The following RSPH9 variants were observed in gnomAD, a reference collection of about 807,000 sequenced individuals.
The protein encoded by RSPH9 is radial spoke head protein 9 homolog.
A neutral mutation model predicts 27.0 loss-of-function variants in RSPH9; 27 were observed. The observed-to-expected ratio is 1.00, with a 90% CI of 0.74 to 1.38. The LOEUF is 1.38. RSPH9 is among the 40% of genes most tolerant of loss of function. The pLI is 0.00. For synonymous variants in RSPH9, 145 were observed against 147.7 expected (o/e 0.98, Z 0.13); for missense variants, 347 against 357.4 (o/e 0.97, Z 0.24).
chr6:43,652,768 A>G (rs1166998073), intron 2 of RSPH9, among the ~76,000 whole-genome samples: 1 of 144,046 alleles, frequency 6.9e-6, no homozygotes, highest in African/African-American at 2.6e-5. Context: ...GGAATGTACC[A>G]TAATTTTCCC....
intron 4 of RSPH9, among the ~76,000 whole-genome samples, chr6:43,657,154 G>A (rs1291791276): frequency 6.6e-6 from 1 of 152,188 alleles, no homozygotes; most frequent in Non-Finnish European, 1.5e-5. Context: ...AGCATCTCTG[G>A]TAGAGAAGAG....
intron 1 of RSPH9, among the ~76,000 whole-genome samples, chr6:43,646,849 G>A (rs1004094408): frequency 2.6e-5 from 4 of 151,606 alleles, no homozygotes; most frequent in South Asian, 2.1e-4. Flanking sequence ...CTAGCTACTC[G>A]GGAGGCTGAG....
At chr6:43,655,879 G>A (rs1771955052) in intron 3 of RSPH9, among the ~76,000 whole-genome samples, 188 bp downstream of exon 3, 1 of 152,096 alleles carries the variant, frequency 6.6e-6, no homozygotes, top group Non-Finnish European at 1.5e-5. Flanking sequence ...CCCATCTCCT[G>A]GCCCCTGACT....
chr6:43,652,313 A>G (rs1771561309), intron 2 of RSPH9, among the ~76,000 whole-genome samples: 1 of 151,916 alleles, frequency 6.6e-6, no homozygotes. Flanking sequence ...CTCAAAAAAA[A>G]AAAAGAAAAA....
rs763156041 is a variant in RSPH9 at position 43,645,110 on chromosome 6, C to T, written c.12C>T (p.Asp4=). Residue 4 remains aspartate, a synonymous_variant, in exon 1 of 5, where the codon GAC becomes GAT. Coordinates refer to ENST00000372163, the MANE Select transcript of RSPH9 (RefSeq NM_152732.5). Reference sequence around the variant, plus strand: ...GAGCCGCTGACCTGATGGACGCCGACAGCCTCCTGCTGTCTCTGGAGCTGG... The same window carrying T: ...GAGCCGCTGACCTGATGGACGCCGATAGCCTCCTGCTGTCTCTGGAGCTGG... MDA[D]SLLLSLELAS... 2 of 1,611,860 alleles carry T rather than the reference C, an allele frequency of 1.2e-6. No homozygotes were observed. Among genetic ancestry groups the T allele is most frequent in the Non-Finnish European group, 1.7e-6 (2 of 1,179,942 alleles).
At chr6:43,660,361 T>G (rs1772483350) in intron 4 of RSPH9, among the ~76,000 whole-genome samples, 1 of 152,154 alleles carries the variant, frequency 6.6e-6, no homozygotes. Context: ...GTCTTGAACC[T>G]GTCAATATCA....
intron 4 of RSPH9, among the ~76,000 whole-genome samples, chr6:43,669,896 A>T (rs1169907967): frequency 6.6e-6 from 1 of 152,242 alleles, no homozygotes; most frequent in Non-Finnish European, 1.5e-5. Flanking sequence ...ACAAAGGCTC[A>T]TTAGGGGCAG....
Position 43,655,679 on chromosome 6 carries a change from C to T in RSPH9, c.511C>T (p.Arg171Trp), listed in dbSNP as rs139002825. 37 of 1,614,082 alleles carry T rather than the reference C, an allele frequency of 2.3e-5. 1 individual carries two copies. The highest frequency in any genetic ancestry group is 1.3e-4 in the East Asian group (6 of 44,896). The change falls in exon 3 of 5, where the codon CGG (arginine) becomes TGG (tryptophan). Residue 171 changes from arginine to tryptophan, a missense_variant. Physicochemically the swap from Arg to Trp is moderately radical, Grantham distance 101. Coordinates refer to ENST00000372163, the MANE Select transcript of RSPH9 (RefSeq NM_152732.5). Reference sequence around the variant, plus strand: ...CCCTTTTGGACCCACCCATGTCAATCGGACCTTTGAAGGTGAGTTCTCTGG... The same window carrying T: ...CCCTTTTGGACCCACCCATGTCAATTGGACCTTTGAAGGTGAGTTCTCTGG... ...KTPFGPTHVNRTFEGLSLSEA... is the reference protein window; with the variant it reads ...KTPFGPTHVNWTFEGLSLSEA...
At chr6:43,661,215 A>C (rs1772573359) in intron 4 of RSPH9, among the ~76,000 whole-genome samples, 3 of 152,258 alleles carry the variant, frequency 2.0e-5, no homozygotes. Flanking sequence ...GAGTAGATTT[A>C]GCATAATTCT....
chr6:43,646,130 T>C (rs952417539), intron 1 of RSPH9, among the ~76,000 whole-genome samples: 45 of 145,848 alleles, frequency 3.1e-4, no homozygotes, highest in African/African-American at 1.1e-3. Context: ...ATTTATTTAT[T>C]ATTATTATTA....
At chr6:43,656,069 C>T (rs1772014294) in intron 3 of RSPH9, among the ~76,000 whole-genome samples, 2 of 146,612 alleles carry the variant, frequency 1.4e-5, no homozygotes, top group African/African-American at 5.1e-5. Flanking sequence ...TCTTTCCCTC[C>T]TTCCCTCCCT....
intron 1 of RSPH9, among the ~76,000 whole-genome samples, chr6:43,645,688 G>A (rs1367057018): frequency 6.6e-6 from 1 of 152,260 alleles, no homozygotes. Flanking sequence ...ACAGGGCCAA[G>A]AACGCAGGTG....
In RSPH9 at chr6:43,671,126, G is replaced by A; in HGVS notation, c.*177G>A. The A allele has an allele frequency of 1.4e-6, 1 of 718,884 alleles. No homozygotes were observed. The allele number at this position is 718,884 out of a possible 1,614,324, so 44.5% of individuals were successfully genotyped here. On this transcript the variant is annotated 3_prime_UTR_variant, in exon 5 of 5. Transcript: ENST00000372163. Reference sequence around the variant, plus strand: ...TTCTAAACCAAGTGGCAGAGGGGTTGGAATGTGCTAATGAAAGAGATTCTA... The same window carrying A: ...TTCTAAACCAAGTGGCAGAGGGGTTAGAATGTGCTAATGAAAGAGATTCTA...
chr6:43,659,131 T>G (rs1040098364), intron 4 of RSPH9, among the ~76,000 whole-genome samples: 3 of 152,242 alleles, frequency 2.0e-5, no homozygotes, highest in Admixed American at 6.5e-5. Flanking sequence ...TATCATGAGG[T>G]TGCAGCAATT....
intron 3 of RSPH9, among the ~76,000 whole-genome samples, chr6:43,655,988 ACTTCCTTCCTTCCTTC>A (rs70993404): frequency 1.1e-4 from 12 of 113,616 alleles, no homozygotes; most frequent in East Asian, 2.5e-4. Context: ...TCCTCCTTGG[ACTTCCTTCCTTCCTTC>A]CTTCCTTCCT....
chr6:43,663,576 G>T (rs573174819), intron 4 of RSPH9, among the ~76,000 whole-genome samples: 1 of 152,200 alleles, frequency 6.6e-6, no homozygotes, highest in African/African-American at 2.4e-5. Context: ...GGAATAGGGT[G>T]GCCTGAGGAG....
At chr6:43,657,238 C>T (rs907304235) in intron 4 of RSPH9, among the ~76,000 whole-genome samples, 12 of 152,228 alleles carry the variant, frequency 7.9e-5, no homozygotes, top group African/African-American at 2.7e-4. Flanking sequence ...AAGGCACAGA[C>T]TCAGCGCCCC....
intron 1 of RSPH9, among the ~76,000 whole-genome samples, chr6:43,649,277 C>T (rs1771199117): frequency 2.7e-5 from 4 of 150,006 alleles, no homozygotes; most frequent in Admixed American, 2.7e-4. Context: ...GCAACCTCTG[C>T]CTCCTGGGTT....
At position 43,670,909 on chromosome 6, in the gene RSPH9, G is replaced by C; in HGVS notation, c.791G>C (p.Gly264Ala). The change falls in exon 5 of 5, where the codon GGC (glycine) becomes GCC (alanine). Residue 264 changes from glycine (G) to alanine (A), a missense_variant. Transcript: ENST00000372163. The stretch of plus-strand genomic sequence containing the variant: ...AAGAACTATGGCTACGTCTACGTGG[G>C]CACTGGCGAGAAGAACATGGACTTG... Reference protein sequence around the residue: ...RTKNYGYVYVGTGEKNMDLPF... With the variant: ...RTKNYGYVYVATGEKNMDLPF... 1 of 1,614,224 alleles carries C rather than the reference G, an allele frequency of 6.2e-7. No individual in the cohort carries two copies. The highest frequency in any genetic ancestry group is 1.3e-5 in the African/African-American group (1 of 75,064).
Sources: gnomAD v4.1 joint callset for allele counts (sites outside exome capture counted in the v4.1 genomes callset) on GRCh38, gnomAD v4.1.1 for gene constraint, MANE v1.5 for transcripts, NCBI Gene and HGNC (gene_info 2026-07-23, HGNC 2026-07-21) for gene names.